Variants in DRC11 observed in about 807,000 individuals in gnomAD.
DRC11 encodes the protein IQ and AAA domain-containing protein 1.
At chr2:236,333,007 G>A in the DRC11 span, 1 of 152,218 alleles carries the variant, frequency 6.6e-6, no homozygotes, top group Non-Finnish European at 1.5e-5. This position sits in a 1 kb window ranked among gnomAD's most constrained non-coding sequence, Gnocchi z 6.0. Flanking sequence ...GCCTTGGTGG[G>A]TTTCTTTGAG....
chr2:236,414,666 A>G, the DRC11 span, among the ~76,000 whole-genome samples: 1 of 152,124 alleles, frequency 6.6e-6, no homozygotes, highest in African/African-American at 2.4e-5. Context: ...CCCTGAGCTG[A>G]AGACGAACAT....
chr2:236,489,709 T>C, the DRC11 span, among the ~76,000 whole-genome samples: 1 of 151,968 alleles, frequency 6.6e-6, no homozygotes, highest in Non-Finnish European at 1.5e-5. Context: ...ATTACTTGAG[T>C]CCAGGAATTT....
the DRC11 span, among the ~76,000 whole-genome samples, chr2:236,422,681 G>C: frequency 2.2e-4 from 34 of 152,192 alleles, no homozygotes; most frequent in East Asian, 5.0e-3. Flanking sequence ...TGACTTTCTT[G>C]ACAGAATTAG....
At chr2:236,396,952 GGGT>G in the DRC11 span, among the ~76,000 whole-genome samples, 1 of 152,186 alleles carries the variant, frequency 6.6e-6, no homozygotes, top group African/African-American at 2.4e-5. Context: ...AGCGAGCAAA[GGGT>G]GGGCGCGGGC....
the DRC11 span, chr2:236,391,563 T>G: frequency 5.4e-6 from 1 of 184,740 alleles, no homozygotes; most frequent in Non-Finnish European, 1.1e-5. This position sits in a 1 kb window ranked among gnomAD's most constrained non-coding sequence, Gnocchi z 4.5. Flanking sequence ...AACTTACACT[T>G]CCAATTCATC....
the DRC11 span, among the ~76,000 whole-genome samples, chr2:236,496,659 G>C: frequency 6.6e-6 from 1 of 152,144 alleles, no homozygotes; most frequent in Admixed American, 6.5e-5. The surrounding 1 kb of genome is among the most constrained non-coding windows in gnomAD (Gnocchi z 6.3). Context: ...GCAAGCACAT[G>C]AGCTCTCCTT....
chr2:236,407,079 G>A, the DRC11 span, among the ~76,000 whole-genome samples: 15 of 152,148 alleles, frequency 9.9e-5, no homozygotes, highest in East Asian at 5.8e-4. Context: ...CATTTAGCTC[G>A]TCATTTTACT....
the DRC11 span, among the ~76,000 whole-genome samples, chr2:236,369,306 T>C: frequency 6.6e-6 from 1 of 152,236 alleles, no homozygotes; most frequent in African/African-American, 2.4e-5. The surrounding 1 kb of genome is among the most constrained non-coding windows in gnomAD (Gnocchi z 4.5). Flanking sequence ...GCTGTTTTGT[T>C]GTGGGGCAGG....
At chr2:236,342,323 A>G in the DRC11 span, among the ~76,000 whole-genome samples, 32 of 152,306 alleles carry the variant, frequency 2.1e-4, no homozygotes, top group East Asian at 6.0e-3. The surrounding 1 kb of genome is among the most constrained non-coding windows in gnomAD (Gnocchi z 5.8). Context: ...TAGGCTCCCT[A>G]GGTGGCTGAG....
At chr2:236,426,099 T>G in the DRC11 span, among the ~76,000 whole-genome samples, 2 of 152,060 alleles carry the variant, frequency 1.3e-5, no homozygotes, top group Non-Finnish European at 1.5e-5. This position sits in a 1 kb window ranked among gnomAD's most constrained non-coding sequence, Gnocchi z 4.1. Flanking sequence ...TAGCTCAAGA[T>G]TTCATTGGAT....
chr2:236,404,564 T>C, the DRC11 span, among the ~76,000 whole-genome samples: 1 of 152,240 alleles, frequency 6.6e-6, no homozygotes, highest in African/African-American at 2.4e-5. Flanking sequence ...GCTGGTTTAA[T>C]GGTCATGGTG....
chr2:236,344,591 GT>G, the DRC11 span: 1 of 1,613,756 alleles, frequency 6.2e-7, no homozygotes, highest in South Asian at 1.1e-5. Context: ...TTTGTAGAAG[GT>G]TTTTTCTGTG....
chr2:236,415,640 C>T, the DRC11 span, among the ~76,000 whole-genome samples: 2 of 152,120 alleles, frequency 1.3e-5, no homozygotes, highest in East Asian at 1.9e-4. This position sits in a 1 kb window ranked among gnomAD's most constrained non-coding sequence, Gnocchi z 5.7. Context: ...ATTCTGAAGG[C>T]GTTTCCCCTT....
At chr2:236,460,971 G>T in the DRC11 span, among the ~76,000 whole-genome samples, 2 of 152,124 alleles carry the variant, frequency 1.3e-5, no homozygotes, top group Non-Finnish European at 2.9e-5. The surrounding 1 kb of genome is among the most constrained non-coding windows in gnomAD (Gnocchi z 4.0). Flanking sequence ...GCCCAGGCTG[G>T]TCTCGAACTC....
chr2:236,433,015 T>A, the DRC11 span, among the ~76,000 whole-genome samples: 2 of 152,316 alleles, frequency 1.3e-5, no homozygotes, highest in South Asian at 4.1e-4. Flanking sequence ...TACCATTTAT[T>A]TCCTTTTTTC....
the DRC11 span, among the ~76,000 whole-genome samples, chr2:236,417,090 G>A: frequency 6.6e-5 from 10 of 151,560 alleles, no homozygotes; most frequent in Admixed American, 3.9e-4. Flanking sequence ...GGCTGGTCTC[G>A]AACTCCTGAC....
the DRC11 span, among the ~76,000 whole-genome samples, chr2:236,409,518 T>TG: frequency 2.0e-5 from 3 of 152,086 alleles, no homozygotes; most frequent in Non-Finnish European, 4.4e-5. Flanking sequence ...GCTGAGACAA[T>TG]GGGGTTTTCT....
At chr2:236,307,327 C>T in the DRC11 span, among the ~76,000 whole-genome samples, 37 of 152,054 alleles carry the variant, frequency 2.4e-4, no homozygotes, top group Non-Finnish European at 4.7e-4. The surrounding 1 kb of genome is among the most constrained non-coding windows in gnomAD (Gnocchi z 7.0). Context: ...TAGAGGCCCG[C>T]GGGAAGGGGA....
At chr2:236,386,773 C>T in the DRC11 span, among the ~76,000 whole-genome samples, 2 of 149,516 alleles carry the variant, frequency 1.3e-5, no homozygotes, top group East Asian at 3.9e-4. Context: ...AATTTTGGAT[C>T]TTTCCTGCTT....
Sources: gnomAD v4.1 joint callset for allele counts (sites outside exome capture counted in the v4.1 genomes callset) on GRCh38, gnomAD v4.1.1 for gene constraint, Gnocchi (gnomAD v3.1) non-coding constraint, MANE v1.5 for transcripts, NCBI Gene and HGNC (gene_info 2026-07-23, HGNC 2026-07-21) for gene names.